ZFPM1: variants seen among roughly 807,000 people sequenced by gnomAD.
ZFPM1 encodes zinc finger protein, FOG family member 1.
ZFPM1 carries 28 observed loss-of-function variants against 46.3 expected under a neutral mutation model. The ratio of observed to expected loss-of-function variants is 0.60; its 90% CI spans 0.45 to 0.83. The LOEUF (loss-of-function observed/expected upper bound fraction) is 0.83. ZFPM1 is among the 40% of genes least tolerant of loss of function. The probability of loss-of-function intolerance (pLI) is 0.00; values close to 1 mark genes in which losing one functional copy is unlikely to be tolerated. For missense variants in ZFPM1, 1,878 were observed against 1,432.4 expected (o/e 1.31, Z -5.02); for synonymous variants, 957 against 675.9 (o/e 1.42, Z -6.45).
chr16:88,489,010 A>G, intron 2 of ZFPM1, 21 bp from the exon 3 acceptor site: 2 of 1,608,166 alleles, frequency 1.2e-6, no homozygotes, highest in Admixed American at 1.7e-5. Flanking sequence ...CAGGGATGTG[A>G]CGGTGTTTTC....
At chr16:88,511,774 T>C (rs1053021344) in intron 3 of ZFPM1, among the ~76,000 whole-genome samples, 3 of 152,204 alleles carry the variant, frequency 2.0e-5, no homozygotes, top group East Asian at 1.9e-4. Flanking sequence ...CAAGGGCACC[T>C]GGGGTGAGCT....
intron 2 of ZFPM1, 95 bp from the exon 3 acceptor site, chr16:88,488,936 G>C: frequency 6.6e-7 from 1 of 1,508,990 alleles, no homozygotes; most frequent in African/African-American, 1.4e-5. Flanking sequence ...TCCCCAACCC[G>C]GCGCCCAGCG....
At chr16:88,455,131 G>GT (rs1567523244) in intron 1 of ZFPM1, among the ~76,000 whole-genome samples, 1 of 126,392 alleles carries the variant, frequency 7.9e-6, no homozygotes, top group Non-Finnish European at 1.7e-5. Flanking sequence ...TTCGGTTCTG[G>GT]GGTGTGTGTG....
At position 88,534,377 on chromosome 16, in the gene ZFPM1, G is replaced by C. The variant is rs567898369; in HGVS notation, c.2419G>C (p.Gly807Arg). The stretch of plus-strand genomic sequence containing the variant: ...CAAGAAGCCGCGGCGCCCGCTCCCC[G>C]GAGCCCCGGCACCGGCGCTGGCCGA... ...LSKKPRRPLP[G>R]APAPALADYH... The change falls in exon 10 of 10, where the codon GGA (glycine) becomes CGA (arginine). Residue 807 changes from glycine to arginine, a missense_variant. Gly to Arg is a moderately radical substitution (Grantham distance 125). Coordinates refer to ENST00000319555, the MANE Select transcript of ZFPM1 (RefSeq NM_153813.3). 6.9e-6 allele frequency: 10 copies of C among 1,449,474 alleles called. No individual in the cohort carries two copies. Among genetic ancestry groups the C allele is most frequent in the Non-Finnish European group, 8.1e-6 (9 of 1,105,542 alleles). 89.8% of individuals were successfully genotyped at this position (1,449,474 alleles called of 1,614,324 possible).
intron 4 of ZFPM1, 96 bp from the exon 5 acceptor site, chr16:88,526,718 G>A: frequency 1.5e-6 from 2 of 1,327,816 alleles, no homozygotes; most frequent in Non-Finnish European, 2.1e-6. Context: ...AAGCCGGGAG[G>A]CAGATCCGTG....
At chr16:88,525,350 GA>G (rs1377088941) in intron 4 of ZFPM1, among the ~76,000 whole-genome samples, 8 of 152,218 alleles carry the variant, frequency 5.3e-5, no homozygotes, top group African/African-American at 1.9e-4. Flanking sequence ...TCACCAGCCC[GA>G]CCCCTTGTAC....
intron 1 of ZFPM1, among the ~76,000 whole-genome samples, chr16:88,477,181 G>A (rs915490483): frequency 2.6e-5 from 4 of 152,266 alleles, no homozygotes; most frequent in Admixed American, 2.6e-4. Context: ...AGCGGGCACA[G>A]TTCACATGAG....
chr16:88,474,351 C>T (rs1258991441), intron 1 of ZFPM1, among the ~76,000 whole-genome samples: 1 of 152,188 alleles, frequency 6.6e-6, no homozygotes, highest in Non-Finnish European at 1.5e-5. Flanking sequence ...AGCTGGGGGG[C>T]TGCCTGGAGG....
chr16:88,457,115 G>A (rs953083555), intron 1 of ZFPM1, among the ~76,000 whole-genome samples: 4 of 152,346 alleles, frequency 2.6e-5, no homozygotes, highest in Middle Eastern at 3.4e-3. Flanking sequence ...ACGCCCACCC[G>A]TGGGGCTGGC....
At chr16:88,455,101 TC>T (rs535171933) in intron 1 of ZFPM1, among the ~76,000 whole-genome samples, 13 of 152,056 alleles carry the variant, frequency 8.5e-5, no homozygotes, top group South Asian at 8.3e-4. Flanking sequence ...TCTTTTTCCT[TC>T]CTTCCCTGAG....
At chr16:88,476,278 C>G (rs975495457) in intron 1 of ZFPM1, among the ~76,000 whole-genome samples, 3 of 152,190 alleles carry the variant, frequency 2.0e-5, no homozygotes, top group Non-Finnish European at 2.9e-5. Context: ...CCTAGCCACA[C>G]CCCCCTCCAA....
At chr16:88,514,251 C>A (rs1911146110) in intron 3 of ZFPM1, 136 bp from the exon 4 acceptor site, 4 of 1,429,984 alleles carry the variant, frequency 2.8e-6, no homozygotes, top group Non-Finnish European at 3.7e-6. Flanking sequence ...GGACCCAGCA[C>A]CTGCCCGGCC....
chr16:88,491,280 C>T (rs1277323563), intron 3 of ZFPM1, among the ~76,000 whole-genome samples: 3 of 152,196 alleles, frequency 2.0e-5, no homozygotes, highest in African/African-American at 7.2e-5. Context: ...ACAGGCCCCC[C>T]TCGGGCCCGC....
chr16:88,534,148 G>T lies in ZFPM1; in HGVS notation c.2190G>T (p.Pro730=), dbSNP rs992027003. 12 of 973,922 alleles carry T rather than the reference G, an allele frequency of 1.2e-5. No homozygotes were observed. In the Admixed American group the frequency reaches 6.8e-4, roughly 55 times the overall value. 60.3% of individuals were successfully genotyped at this position (973,922 alleles called of 1,614,324 possible). The change falls in exon 10 of 10, where the codon CCG becomes CCT. Residue 730 remains proline, a synonymous_variant. Coordinates refer to ENST00000319555, the MANE Select transcript of ZFPM1 (RefSeq NM_153813.3). The part of the protein sequence containing the change: ...PPGPPGPAAP[P]APSPAAPVRT... ...GACCCCCTGGGCCGGCCGCGCCCCC[G>T]GCCCCCTCTCCCGCCGCGCCTGTGC... is the stretch of plus-strand genomic sequence containing the variant.
intron 1 of ZFPM1, among the ~76,000 whole-genome samples, chr16:88,483,741 G>A (rs1409435472): frequency 6.6e-6 from 1 of 152,204 alleles, no homozygotes; most frequent in African/African-American, 2.4e-5. Flanking sequence ...CTAGCCCTCG[G>A]GTGTCAGCAG....
intron 3 of ZFPM1, among the ~76,000 whole-genome samples, chr16:88,500,051 A>AGG (rs1368800883): frequency 6.6e-6 from 1 of 152,218 alleles, no homozygotes; most frequent in Non-Finnish European, 1.5e-5. Flanking sequence ...ATCTGTGGCC[A>AGG]GGGCAGCCTA....
intron 4 of ZFPM1, among the ~76,000 whole-genome samples, chr16:88,518,253 G>A (rs1911486260): frequency 6.6e-6 from 1 of 152,180 alleles, no homozygotes; most frequent in Non-Finnish European, 1.5e-5. Context: ...TGGATGGGTG[G>A]GTGAGTAGAT....
intron 3 of ZFPM1, among the ~76,000 whole-genome samples, chr16:88,505,542 G>T (rs757028305): frequency 6.6e-6 from 1 of 152,184 alleles, no homozygotes; most frequent in African/African-American, 2.4e-5. Flanking sequence ...GACCTGGGAG[G>T]CAGGGAGGAG....
intron 3 of ZFPM1, among the ~76,000 whole-genome samples, chr16:88,496,769 C>T (rs1344478721): frequency 1.3e-5 from 2 of 152,182 alleles, no homozygotes. Context: ...GAGATCGCCT[C>T]TCACTGGGCG....
Sources: gnomAD v4.1 joint callset for allele counts (sites outside exome capture counted in the v4.1 genomes callset) on GRCh38, gnomAD v4.1.1 for gene constraint, MANE v1.5 for transcripts, NCBI Gene and HGNC (gene_info 2026-07-23, HGNC 2026-07-21) for gene names.